The following TWSG1 variants were observed in gnomAD, a reference collection of about 807,000 sequenced individuals.
TWSG1 encodes twisted gastrulation protein homolog 1.
In TWSG1, 15 loss-of-function variants were observed where a neutral mutation model predicts 23.0. The ratio of observed to expected loss-of-function variants is 0.65; its 90% confidence interval spans 0.44 to 1.00. The LOEUF is 1.00. TWSG1 is among the 50% of genes least tolerant of loss of function. The pLI, the probability that TWSG1 is intolerant of heterozygous loss-of-function variation, is 0.00. For synonymous variants in TWSG1, 86 were observed against 92.8 expected, an observed-to-expected ratio of 0.93 and a Z score of 0.42; for missense variants, 242 against 278.7, an observed-to-expected ratio of 0.87 and a Z score of 0.94.
intron 1 of TWSG1, among the ~76,000 whole-genome samples, chr18:9,335,283 G>T (rs1372162316): frequency 6.6e-6 from 1 of 152,244 alleles, no homozygotes; most frequent in African/African-American, 2.4e-5. Context: ...CCCTGGCACC[G>T]CTCTACAGAG....
intron 2 of TWSG1, among the ~76,000 whole-genome samples, chr18:9,344,047 T>A (rs1011567615): frequency 6.6e-6 from 1 of 152,176 alleles, no homozygotes; most frequent in African/African-American, 2.4e-5. Flanking sequence ...ACTACAGGTG[T>A]GTGCCACCAT....
At chr18:9,336,953 A>G (rs966009721) in intron 1 of TWSG1, among the ~76,000 whole-genome samples, 3 of 152,320 alleles carry the variant, frequency 2.0e-5, no homozygotes, top group Middle Eastern at 3.4e-3. Flanking sequence ...TATTGTCTGT[A>G]GTCCCAGATA....
At chr18:9,350,794 G>A (rs1345414720) in intron 2 of TWSG1, among the ~76,000 whole-genome samples, 2 of 152,106 alleles carry the variant, frequency 1.3e-5, no homozygotes, top group Non-Finnish European at 2.9e-5. Flanking sequence ...ATGAGGTTGG[G>A]TTGATATTTC....
In TWSG1 at chr18:9,396,389, T is replaced by G. The variant is rs776037573; in HGVS notation, c.333T>G (p.Asp111Glu). Residue 111 changes from aspartate (D) to glutamate (E), a missense_variant, in exon 4 of 5, where the codon GAT becomes GAG. Physicochemically the swap from Asp to Glu is conservative, Grantham distance 45 (BLOSUM62 2). Transcript: ENST00000262120. ...PSLFRALTEG[D>E]TQLNWNIVSF... ...TCTTCCGGGCACTCACAGAAGGAGA[T>G]ACTCAGTTGAATTGGAACATCGTTT... The G allele has an allele frequency of 6.2e-7, 1 of 1,614,056 alleles. No homozygotes were observed. Among genetic ancestry groups the G allele is most frequent in the East Asian group, 2.2e-5 (1 of 44,896 alleles).
At position 9,400,486 on chromosome 18, in the gene TWSG1, C is replaced by T. The variant is rs2040758039; in HGVS notation, c.*959C>T. Reference sequence around the variant, plus strand: ...TTGTGCAGCCTTAGCCAAGACAAAGCAGTGTTTTTCAGCAGACGGCTGATG... The same window carrying T: ...TTGTGCAGCCTTAGCCAAGACAAAGTAGTGTTTTTCAGCAGACGGCTGATG... On this transcript the variant is annotated 3_prime_UTR_variant, in exon 5 of 5. Coordinates refer to ENST00000262120, the MANE Select transcript of TWSG1 (RefSeq NM_020648.6). The T allele has an allele frequency of 2.0e-5, 3 of 152,128 alleles. No homozygotes were observed. Among genetic ancestry groups the T allele is most frequent in the Non-Finnish European group, 4.4e-5 (3 of 68,026 alleles). 9.4% of individuals were successfully genotyped at this position (152,128 alleles called of 1,614,324 possible).
intron 3 of TWSG1, among the ~76,000 whole-genome samples, chr18:9,383,856 T>C (rs1450836958): frequency 6.6e-6 from 1 of 152,118 alleles, no homozygotes. Flanking sequence ...AGAATGACAG[T>C]GGGTCCAGTG....
Position 9,396,306 on chromosome 18 carries a change from G to C in TWSG1, c.250G>C (p.Asp84His), listed in dbSNP as rs2040735359. 6.2e-7 allele frequency: 1 copy of C among 1,613,968 alleles called. No homozygotes were observed. Among genetic ancestry groups the C allele is most frequent in the Non-Finnish European group, 8.5e-7 (1 of 1,180,022 alleles). The change falls in exon 4 of 5, where the codon GAC becomes CAC. Residue 84 changes from aspartate (D) to histidine (H), a missense_variant. Transcript: ENST00000262120. ...VGMCNPRNYS[D>H]TPPTSKSTVE... is the part of the protein sequence containing the mutation. ...TATGTGTAATCCTCGAAATTATAGT[G>C]ACACACCTCCAACTTCAAAGAGCAC...
intron 2 of TWSG1, among the ~76,000 whole-genome samples, chr18:9,344,349 G>C (rs1037827020): frequency 2.6e-5 from 4 of 152,144 alleles, no homozygotes; most frequent in Middle Eastern, 3.2e-3. Flanking sequence ...CCTACCAGTT[G>C]TGTATGAGAG....
chr18:9,370,769 GA>G (rs1297032466), intron 3 of TWSG1, among the ~76,000 whole-genome samples: 5 of 152,140 alleles, frequency 3.3e-5, no homozygotes, highest in African/African-American at 4.8e-5. Flanking sequence ...TCCTTAGAGT[GA>G]ATTTTCTTCA....
At chr18:9,351,379 C>A (rs1322429297) in intron 2 of TWSG1, among the ~76,000 whole-genome samples, 1 of 151,942 alleles carries the variant, frequency 6.6e-6, no homozygotes, top group Non-Finnish European at 1.5e-5. Flanking sequence ...TTATTTTTAA[C>A]AATTTTATGG....
At chr18:9,398,036 A>T (rs1377611221) in intron 4 of TWSG1, among the ~76,000 whole-genome samples, 1 of 151,548 alleles carries the variant, frequency 6.6e-6, no homozygotes, top group Non-Finnish European at 1.5e-5. Flanking sequence ...AACCAAGAAA[A>T]CAAAAAACAG....
intron 3 of TWSG1, among the ~76,000 whole-genome samples, chr18:9,386,926 A>G (rs928074624): frequency 1.3e-5 from 2 of 152,268 alleles, no homozygotes; most frequent in African/African-American, 2.4e-5. Flanking sequence ...AATGTAAAAT[A>G]GAAACATTTT....
chr18:9,371,709 GTTC>G (rs2040606068), intron 3 of TWSG1, among the ~76,000 whole-genome samples: 1 of 151,398 alleles, frequency 6.6e-6, no homozygotes, highest in South Asian at 2.1e-4. Flanking sequence ...TTAAAAAGAA[GTTC>G]TTCTCCAGTA....
At chr18:9,367,255 A>G (rs945101026) in intron 3 of TWSG1, among the ~76,000 whole-genome samples, 2 of 152,250 alleles carry the variant, frequency 1.3e-5, no homozygotes, top group East Asian at 3.9e-4. Flanking sequence ...AATATAATAC[A>G]TTGTTATTAG....
intron 2 of TWSG1, among the ~76,000 whole-genome samples, chr18:9,345,323 A>G (rs1402425222): frequency 6.6e-6 from 1 of 152,186 alleles, no homozygotes; most frequent in Non-Finnish European, 1.5e-5. Flanking sequence ...AGCCAAAGTC[A>G]TAAAGATTTA....
intron 4 of TWSG1, 28 bp from the exon 5 acceptor site, chr18:9,399,318 C>A: frequency 6.6e-7 from 1 of 1,507,232 alleles, no homozygotes; most frequent in Non-Finnish European, 8.9e-7. Context: ...TCTTTCTTGC[C>A]CTGAAATCTT....
chr18:9,374,049 T>G (rs2040617951), intron 3 of TWSG1, among the ~76,000 whole-genome samples: 6 of 152,168 alleles, frequency 3.9e-5, no homozygotes, highest in Admixed American at 3.9e-4. Flanking sequence ...ATGAAAGCAG[T>G]GTTTAAGGGG....
Position 9,337,208 on chromosome 18 carries a change from T to C in TWSG1, c.-22T>C. On this transcript the variant is annotated 5_prime_UTR_variant, in exon 2 of 5. An upstream open reading frame in the 5' UTR loses its in-frame stop. Transcript: ENST00000262120. ...GTTTGTTTAGTTTCCTGGGAGTTAC[T>C]GATCATCTTCTTTGAAGAAACATGA... The C allele has an allele frequency of 6.2e-7, 1 of 1,607,694 alleles. No individual in the cohort carries two copies. Among genetic ancestry groups the C allele is most frequent in the Non-Finnish European group, 8.5e-7 (1 of 1,179,514 alleles).
chr18:9,337,456 G>C (rs1598818253), intron 2 of TWSG1, 104 bp downstream of exon 2: 1 of 1,191,834 alleles, frequency 8.4e-7, no homozygotes. Context: ...AGTAAGACCT[G>C]AGTATTGGGT....
Sources: gnomAD v4.1 joint callset for allele counts (sites outside exome capture counted in the v4.1 genomes callset) on GRCh38, gnomAD v4.1.1 for gene constraint, MANE v1.5 for transcripts, NCBI Gene and HGNC (gene_info 2026-07-23, HGNC 2026-07-21) for gene names.